The following DRAM1 variants were observed in gnomAD, a reference collection of about 807,000 sequenced individuals.
DRAM1 encodes DNA damage-regulated autophagy modulator protein 1.
Under a neutral mutation model 28.5 loss-of-function variants are expected in DRAM1, and 25 were observed. The observed-to-expected ratio is 0.88, with a 90% CI of 0.64 to 1.23. The LOEUF (loss-of-function observed/expected upper bound fraction) is 1.23. Among genes scored for constraint, DRAM1 ranks in the 50% most tolerant of loss-of-function variants. The pLI, the probability that DRAM1 is intolerant of heterozygous loss-of-function variation, is 0.00. For missense variants in DRAM1, 249 were observed against 299.2 expected (o/e 0.83, Z 1.24); for synonymous variants, 113 against 114.2 (o/e 0.99, Z 0.07).
intron 1 of DRAM1, among the ~76,000 whole-genome samples, chr12:101,895,158 T>C (rs1274150605): frequency 6.9e-6 from 1 of 145,132 alleles, no homozygotes; most frequent in Non-Finnish European, 1.5e-5. Flanking sequence ...GTAGGAAAAG[T>C]GGTAATGCTA....
At chr12:101,887,418 A>G (rs551829904) in intron 1 of DRAM1, among the ~76,000 whole-genome samples, 8 of 152,228 alleles carry the variant, frequency 5.3e-5, no homozygotes, top group Admixed American at 1.3e-4. Context: ...ATACTCTTGT[A>G]ACGGCTTTGG....
intron 2 of DRAM1, among the ~76,000 whole-genome samples, chr12:101,898,523 G>A (rs1446809438): frequency 6.6e-6 from 1 of 152,218 alleles, no homozygotes; most frequent in Non-Finnish European, 1.5e-5. Flanking sequence ...GTTTTTAAAA[G>A]TGTTGATTTA....
At chr12:101,909,153 TGGGA>T (rs1264796265) in intron 4 of DRAM1, among the ~76,000 whole-genome samples, 12 of 151,404 alleles carry the variant, frequency 7.9e-5, no homozygotes, top group Admixed American at 7.9e-4. Flanking sequence ...CCCAGCTACT[TGGGA>T]GGCTGAGGCA....
chr12:101,911,496 T>A (rs934304104), intron 4 of DRAM1, among the ~76,000 whole-genome samples: 7 of 152,342 alleles, frequency 4.6e-5, no homozygotes, highest in Admixed American at 6.5e-5. Context: ...CTCCTAGTTC[T>A]TCATCCTTGT....
chr12:101,877,745 C>A lies in DRAM1; in HGVS notation c.-45C>A, dbSNP rs1420223250. 7.2e-7 allele frequency: 1 copy of A among 1,381,622 alleles called. No homozygotes were observed. Among genetic ancestry groups the A allele is most frequent in the Non-Finnish European group, 9.4e-7 (1 of 1,063,052 alleles). 85.6% of individuals were successfully genotyped at this position (1,381,622 alleles called of 1,614,324 possible). A position where few individuals can be genotyped will look rare whatever the true frequency, so the allele number is the denominator to read the frequency against. On this transcript the variant is annotated 5_prime_UTR_variant, in exon 1 of 7. Coordinates refer to ENST00000258534, the MANE Select transcript of DRAM1 (RefSeq NM_018370.3). This position sits in a 1 kb window ranked among gnomAD's most constrained non-coding sequence, Gnocchi z 4.1. ...AGGCAGCCCGGAGCAACCCGGCGCCCGGCCCCGCTGGGCGCAGCACTCCGT... is the reference window on the plus strand; with the variant it reads ...AGGCAGCCCGGAGCAACCCGGCGCCAGGCCCCGCTGGGCGCAGCACTCCGT...
chr12:101,897,207 AT>A (rs11366351), intron 1 of DRAM1, among the ~76,000 whole-genome samples: 88,206 of 150,354 alleles, frequency 0.59, 27,636 homozygotes, highest in African/African-American at 0.82. Flanking sequence ...ATTTATTTTT[AT>A]TTTTTTTTTG....
At chr12:101,906,897 C>A (rs2121122490) in intron 3 of DRAM1, among the ~76,000 whole-genome samples, 2 of 147,734 alleles carry the variant, frequency 1.4e-5, no homozygotes, top group East Asian at 2.0e-4. Context: ...AAGAAGGGAG[C>A]CAAAGGTGAG....
At chr12:101,879,966 G>A (rs1397161761) in intron 1 of DRAM1, among the ~76,000 whole-genome samples, 2 of 151,502 alleles carry the variant, frequency 1.3e-5, no homozygotes, top group African/African-American at 4.9e-5. Context: ...ACTCCAGCCT[G>A]GTGACAGAGC....
rs1338630800 is a variant in DRAM1, at chr12:101,877,897, C to G, written c.108C>G (p.Val36=). ...TGGTCGCCGTGCTCTCCGGGCACGT[C>G]AACCCCTTCCTCCCGTATATCAGGT... ...SYVVAVLSGH[V]NPFLPYISDT... The change falls in exon 1 of 7, where the codon GTC becomes GTG. Residue 36 remains valine, a synonymous_variant. Transcript: ENST00000258534. This position sits in a 1 kb window ranked among gnomAD's most constrained non-coding sequence, Gnocchi z 4.1. The G allele has an allele frequency of 6.5e-7, 1 of 1,539,976 alleles. No homozygotes were observed. Among genetic ancestry groups the G allele is most frequent in the Non-Finnish European group, 8.8e-7 (1 of 1,140,224 alleles).
intron 3 of DRAM1, among the ~76,000 whole-genome samples, chr12:101,902,801 A>G (rs1873653899): frequency 6.6e-6 from 1 of 152,232 alleles, no homozygotes; most frequent in African/African-American, 2.4e-5. Flanking sequence ...CTGTATCTTT[A>G]CAACTTCCTT....
Position 101,921,514 on chromosome 12 carries a change from AT to A in DRAM1, c.*255del. The A allele has an allele frequency of 3.2e-6, 1 of 315,504 alleles. No individual in the cohort carries two copies. The highest frequency in any genetic ancestry group is 5.6e-5 in the East Asian group (1 of 17,968). 19.5% of individuals were successfully genotyped at this position (315,504 alleles called of 1,614,324 possible). A position where few individuals can be genotyped will look rare whatever the true frequency, so the allele number is the denominator to read the frequency against. On this transcript the variant is annotated 3_prime_UTR_variant, in exon 7 of 7. Transcript: ENST00000258534. ...GATTTTTTTATATTAACAAATTCAT[AT>A]ACAGAAAAAATAAGGTGTTACAAAA...
intron 5 of DRAM1, among the ~76,000 whole-genome samples, chr12:101,915,743 G>A (rs1298331639): frequency 2.0e-5 from 3 of 152,014 alleles, no homozygotes; most frequent in African/African-American, 7.3e-5. Flanking sequence ...TGTATTTTTA[G>A]TAGAGACGGG....
rs1874488324 is a variant in DRAM1 at position 101,921,629 on chromosome 12, G to A, written c.*369G>A. ...GAAATACACTAAATGAGTAATTCAG[G>A]TTCAGTACATTTATTACAAAGTGAA... On this transcript the variant is annotated 3_prime_UTR_variant, in exon 7 of 7. Coordinates refer to ENST00000258534, the MANE Select transcript of DRAM1 (RefSeq NM_018370.3). 6.1e-6 allele frequency: 1 copy of A among 163,582 alleles called. No homozygotes were observed. The highest frequency in any genetic ancestry group is 1.3e-5 in the Non-Finnish European group (1 of 76,156). The allele number at this position is 163,582 out of a possible 1,614,324, so 10.1% of individuals were successfully genotyped here.
chr12:101,918,573 G>A (rs994787106), intron 5 of DRAM1, among the ~76,000 whole-genome samples: 2 of 152,168 alleles, frequency 1.3e-5, no homozygotes, highest in South Asian at 2.1e-4. Flanking sequence ...GCCTCCACTC[G>A]ATCTGTCTGG....
At chr12:101,895,571 T>TGG (rs1555282187) in intron 1 of DRAM1, among the ~76,000 whole-genome samples, 587 of 45,608 alleles carry the variant, frequency 0.013, 34 homozygotes, top group East Asian at 0.067. Context: ...AGGCTATTTT[T>TGG]TTTTTTTTTT....
chr12:101,901,228 T>A, intron 2 of DRAM1, 63 bp from the exon 3 acceptor site: 1 of 1,553,812 alleles, frequency 6.4e-7, no homozygotes, highest in Non-Finnish European at 8.7e-7. Context: ...ACAAAGCTGC[T>A]CCTGTTTTTC....
rs1273018325 is a variant in DRAM1 at position 101,914,470 on chromosome 12, TTTC to T, written c.579+253_579+255del. ...AAATTTTGAGTTCCTAATTTCTTTC[TTTC>T]TTCTTCTTCTTCTTTTTTTTTTTTT... is the stretch of plus-strand genomic sequence containing the variant. On this transcript the variant is annotated intron_variant, in intron 5 of 6. Transcript: ENST00000258534. Among the ~76,000 whole-genome samples the T allele has an allele frequency of 1.4e-3, 215 of 149,078 alleles. 2 individuals carry two copies. Among genetic ancestry groups the T allele is most frequent in the African/African-American group, 4.9e-3 (196 of 39,822 alleles).
chr12:101,882,172 G>A (rs1278156140), intron 1 of DRAM1, among the ~76,000 whole-genome samples: 1 of 145,050 alleles, frequency 6.9e-6, no homozygotes, highest in African/African-American at 2.5e-5. Flanking sequence ...GCAGTGGCGC[G>A]ATCTCGGCTC....
intron 4 of DRAM1, among the ~76,000 whole-genome samples, chr12:101,912,209 A>C (rs1031530553): frequency 3.3e-5 from 5 of 152,158 alleles, no homozygotes; most frequent in Admixed American, 2.0e-4. Flanking sequence ...CAAATACATA[A>C]ATAAATAAAT....
Sources: gnomAD v4.1 joint callset for allele counts (sites outside exome capture counted in the v4.1 genomes callset) on GRCh38, gnomAD v4.1.1 for gene constraint, Gnocchi (gnomAD v3.1) non-coding constraint, MANE v1.5 for transcripts, NCBI Gene and HGNC (gene_info 2026-07-23, HGNC 2026-07-21) for gene names.